Variants in AKNA observed in about 807,000 individuals in gnomAD.
AKNA encodes AT-hook transcription factor, also known as microtubule organization protein AKNA.
A neutral mutation model predicts 138.8 loss-of-function variants in AKNA; 67 were observed. The ratio of observed to expected loss-of-function variants is 0.48; its 90% CI spans 0.40 to 0.59. AKNA has a LOEUF of 0.59. Among genes scored for constraint, AKNA ranks in the 20% least tolerant of loss-of-function variants. The pLI is 0.00. For synonymous variants in AKNA, 737 were observed against 754.4 expected, an observed-to-expected ratio of 0.98 and a Z score of 0.38; for missense variants, 1,813 against 1,880.4, an observed-to-expected ratio of 0.96 and a Z score of 0.66.
upstream of AKNA, among the ~76,000 whole-genome samples, chr9:114,389,686 G>A (rs1834261726): frequency 6.6e-6 from 1 of 152,184 alleles, no homozygotes; most frequent in African/African-American, 2.4e-5. Context: ...CTGCTACTTA[G>A]GTATAAGTCT....
chr9:114,373,996 T>G, intron 4 of AKNA, 97 bp downstream of exon 4: 1 of 1,285,824 alleles, frequency 7.8e-7, no homozygotes, highest in South Asian at 1.3e-5. Flanking sequence ...AGGGCCTCAG[T>G]AGATGGAGGA....
chr9:114,356,989 T>C lies in AKNA; in HGVS notation c.2740-20A>G. The C allele has an allele frequency of 6.4e-7, 1 of 1,572,674 alleles. No homozygotes were observed. Among genetic ancestry groups the C allele is most frequent in the Non-Finnish European group, 8.6e-7 (1 of 1,162,574 alleles). ...GGTCTCCTGAAAGAGGCAGTATCCCTTTATGTCTGAGGAATGTGTCCAAGG... is the reference window on the plus strand; with the variant it reads ...GGTCTCCTGAAAGAGGCAGTATCCCCTTATGTCTGAGGAATGTGTCCAAGG... On this transcript the variant is annotated intron_variant, in intron 12 of 21. Transcript: ENST00000374088.
intron 1 of AKNA, among the ~76,000 whole-genome samples, chr9:114,383,931 C>T (rs1372957869): frequency 1.3e-5 from 2 of 152,162 alleles, no homozygotes; most frequent in Non-Finnish European, 2.9e-5. Flanking sequence ...TCTCTACCCC[C>T]AAATGCAGAG....
chr9:114,387,918 T>A lies in AKNA; in HGVS notation c.-172A>T. Reference sequence around the variant, plus strand: ...AGTTTCAGGGGACCTGCCTGTGAATTCTTTGTTCCAAACCCAGGGAGCCCC... The same window carrying A: ...AGTTTCAGGGGACCTGCCTGTGAATACTTTGTTCCAAACCCAGGGAGCCCC... On this transcript the variant is annotated 5_prime_UTR_variant, in exon 1 of 22. Transcript: ENST00000374088. The A allele has an allele frequency of 4.4e-6, 2 of 454,656 alleles. No individual in the cohort carries two copies. The highest frequency in any genetic ancestry group is 8.9e-6 in the Non-Finnish European group (2 of 225,948). The allele number at this position is 454,656 out of a possible 1,614,324, so 28.2% of individuals were successfully genotyped here. A position where few individuals can be genotyped will look rare whatever the true frequency, so the allele number is the denominator to read the frequency against.
intron 16 of AKNA, 114 bp downstream of exon 16, chr9:114,347,608 TGA>T (rs1830776493): frequency 9.5e-7 from 1 of 1,052,218 alleles, no homozygotes; most frequent in Non-Finnish European, 1.3e-6. Flanking sequence ...AATGAATGAG[TGA>T]GAGAGGGATG....
intron 4 of AKNA, among the ~76,000 whole-genome samples, chr9:114,372,014 C>T (rs114331298): frequency 0.012 from 1,893 of 152,292 alleles, 29 homozygotes; most frequent in African/African-American, 0.043. Flanking sequence ...CTCCCTGTTC[C>T]GGGGCTCTGT....
chr9:114,397,355 G>A (rs539859235), upstream of AKNA, among the ~76,000 whole-genome samples: 6 of 152,298 alleles, frequency 3.9e-5, no homozygotes, highest in East Asian at 9.6e-4. Flanking sequence ...AAAGTCGTTT[G>A]GGAAGTCCCT....
intron 14 of AKNA, among the ~76,000 whole-genome samples, chr9:114,354,389 T>A (rs1831338382): frequency 6.6e-6 from 1 of 152,124 alleles, no homozygotes; most frequent in African/African-American, 2.4e-5. Context: ...CTGGAATACC[T>A]CTCGAAGGAC....
intron 7 of AKNA, among the ~76,000 whole-genome samples, chr9:114,362,960 TC>T (rs1268463615): frequency 6.6e-6 from 1 of 152,228 alleles, no homozygotes; most frequent in Non-Finnish European, 1.5e-5. Flanking sequence ...AGCCACTCTT[TC>T]CCCAAATCCT....
intron 9 of AKNA, among the ~76,000 whole-genome samples, chr9:114,361,069 A>C (rs1831912069): frequency 6.6e-6 from 1 of 151,586 alleles, no homozygotes; most frequent in African/African-American, 2.4e-5. Flanking sequence ...CCCCAGCCTC[A>C]GACTGGCCTA....
intron 4 of AKNA, among the ~76,000 whole-genome samples, chr9:114,372,637 G>A (rs965136245): frequency 1.3e-5 from 2 of 152,134 alleles, no homozygotes; most frequent in African/African-American, 2.4e-5. Flanking sequence ...CTATCCCAAC[G>A]GGAGCCCCAG....
At chr9:114,331,066 AAT>A (rs1812504583), downstream of AKNA, among the ~76,000 whole-genome samples, 1 of 152,080 alleles carries the variant, frequency 6.6e-6, no homozygotes, top group South Asian at 2.1e-4. Context: ...AGAGACCTCA[AAT>A]AGTTTCCCCA....
chr9:114,392,926 A>AT (rs1226257883), upstream of AKNA, among the ~76,000 whole-genome samples: 1 of 152,202 alleles, frequency 6.6e-6, no homozygotes, highest in African/African-American at 2.4e-5. Flanking sequence ...GATAAGGGTT[A>AT]TGAGGAGGGT....
chr9:114,352,511 C>T (rs1831197878), intron 14 of AKNA, among the ~76,000 whole-genome samples: 1 of 152,036 alleles, frequency 6.6e-6, no homozygotes, highest in Non-Finnish European at 1.5e-5. Flanking sequence ...GCTGGAGAAT[C>T]ACTTGAACCT....
At chr9:114,331,522 T>C, downstream of AKNA, 2 of 1,484,070 alleles carry the variant, frequency 1.3e-6, no homozygotes. Flanking sequence ...CAGGCACCAT[T>C]GTGCCATCCC....
At chr9:114,375,892 C>A in intron 3 of AKNA, 2 of 444,294 alleles carry the variant, frequency 4.5e-6, no homozygotes, top group South Asian at 1.6e-5. Flanking sequence ...TATCTCAGGG[C>A]TCCAGGTACA....
Position 114,361,838 on chromosome 9 carries a change from G to C in AKNA, c.1990C>G (p.Gln664Glu), listed in dbSNP as rs752930119. 20 of 1,612,270 alleles carry C rather than the reference G, an allele frequency of 1.2e-5. No individual in the cohort carries two copies. The highest frequency in any genetic ancestry group is 1.7e-5 in the Non-Finnish European group (20 of 1,179,996). The change falls in exon 9 of 22, where the codon CAA becomes GAA. Residue 664 changes from glutamine (Q) to glutamate (E), a missense_variant. By Grantham distance (29) the Gln-to-Glu change is conservative (BLOSUM62 2). Coordinates refer to ENST00000374088, the MANE Select transcript of AKNA (RefSeq NM_001317950.2). ...ELKEHIDQTQ[Q>E]EPEPPGSDSA... ...TCTGACCCGGGCGGCTCAGGCTCTT[G>C]CTGGGTCTGGTCTATGTGTTCCTTC...
Position 114,376,962 on chromosome 9 carries a change from C to T in AKNA, c.845G>A (p.Arg282Lys), listed in dbSNP as rs1458717690. The T allele has an allele frequency of 3.1e-6, 5 of 1,613,980 alleles. No homozygotes were observed. In the African/African-American group the frequency reaches 4.0e-5, roughly 13 times the overall value. The change falls in exon 3 of 22, where the codon AGA becomes AAA. Residue 282 changes from arginine (R) to lysine (K), a missense_variant. Transcript: ENST00000374088. ...SPQHATDRWR[R>K]ETTRFFCPQP... ...AGGGCAGAAGAATCTGGTCGTTTCT[C>T]TCCTCCATCTATCTGTGGCATGCTG...
chr9:114,332,968 T>C, downstream of AKNA: 1 of 1,560,208 alleles, frequency 6.4e-7, no homozygotes, highest in Non-Finnish European at 8.7e-7. Flanking sequence ...GTTGAGCTGG[T>C]TCCACAGGCC....
Sources: gnomAD v4.1 joint callset for allele counts (sites outside exome capture counted in the v4.1 genomes callset) on GRCh38, gnomAD v4.1.1 for gene constraint, MANE v1.5 for transcripts, NCBI Gene and HGNC (gene_info 2026-07-23, HGNC 2026-07-21) for gene names.